Variants in CPT2 observed in about 807,000 individuals in gnomAD.
CPT2 encodes the protein carnitine O-palmitoyltransferase 2, mitochondrial.
A neutral mutation model predicts 48.6 loss-of-function variants in CPT2; 37 were observed. That is an observed-to-expected ratio of 0.76 (90% CI 0.59 to 1.00). The LOEUF (loss-of-function observed/expected upper bound fraction) is 1.00. Among genes scored for constraint, CPT2 ranks in the 50% least tolerant of loss-of-function variants. The pLI, the probability that CPT2 is intolerant of heterozygous loss-of-function variation, is 0.00. For synonymous variants in CPT2, 319 were observed against 326.9 expected, an observed-to-expected ratio of 0.98 and a Z score of 0.26; for missense variants, 772 against 825.6, an observed-to-expected ratio of 0.94 and a Z score of 0.80.
intron 2 of CPT2, 48 bp from the exon 3 acceptor site, chr1:53,202,275 A>C: frequency 2.7e-6 from 4 of 1,472,936 alleles, no homozygotes; most frequent in Non-Finnish European, 3.8e-6. Flanking sequence ...CCTAAAAATC[A>C]TGTATTCCCT....
Position 53,211,315 on chromosome 1 carries a change from A to T in CPT2, c.1641A>T (p.Ala547=), listed in dbSNP as rs1572386023. 1 of 1,602,382 alleles carries T rather than the reference A, an allele frequency of 6.2e-7. No homozygotes were observed. The change falls in exon 4 of 5, where the codon GCA becomes GCT. Residue 547 remains alanine (A), a synonymous_variant. Coordinates refer to ENST00000371486, the MANE Select transcript of CPT2 (RefSeq NM_000098.3). ...ATGGCCAGCTGACCAAAGAAGCAGC[A>T]ATGGGTGAGGCAGGGGTGGGGAGCA... is the stretch of plus-strand genomic sequence containing the variant. The part of the protein sequence containing the change: ...KYHGQLTKEA[A]MGQGFDRHLF...
intron 4 of CPT2, chr1:53,212,882 A>G (rs737464): frequency 0.5 from 233,730 of 462,884 alleles, 62,368 homozygotes; most frequent in East Asian, 0.72. Context: ...CACTGACTCA[A>G]TCTTCTCTTT....
intron 4 of CPT2, 73 bp from the exon 5 acceptor site, chr1:53,213,191 G>A: frequency 6.8e-7 from 1 of 1,467,594 alleles, no homozygotes. Context: ...TTCCTACCAT[G>A]TGGTGAGTTG....
Position 53,210,456 on chromosome 1 carries a change from G to A in CPT2, c.782G>A (p.Gly261Glu). The stretch of plus-strand genomic sequence containing the variant: ...ATCTTTGATGTCCTGGATCAAGATG[G>A]GAACATTGTGAGCCCCTCGGAAATC... ...FYIFDVLDQD[G>E]NIVSPSEIQA... The change falls in exon 4 of 5, where the codon GGG becomes GAG. Residue 261 changes from glycine to glutamate, a missense_variant. Coordinates refer to ENST00000371486, the MANE Select transcript of CPT2 (RefSeq NM_000098.3). The A allele has an allele frequency of 6.2e-7, 1 of 1,614,118 alleles. No individual in the cohort carries two copies. The highest frequency in any genetic ancestry group is 8.5e-7 in the Non-Finnish European group (1 of 1,180,044).
chr1:53,213,949 T>G lies in CPT2; in HGVS notation c.*354T>G, dbSNP rs1572387957. 3.4e-6 allele frequency: 1 copy of G among 294,520 alleles called. No individual in the cohort carries two copies. The highest frequency in any genetic ancestry group is 3.4e-5 in the South Asian group (1 of 29,424). The allele number at this position is 294,520 out of a possible 1,614,324, so 18.2% of individuals were successfully genotyped here. On this transcript the variant is annotated 3_prime_UTR_variant, in exon 5 of 5. Transcript: ENST00000371486. The stretch of plus-strand genomic sequence containing the variant: ...AAAAAAACAAAAAAGAAAAAAAAAC[T>G]GGGGCCTGTGTAGCCAGTGGGTGCT...
chr1:53,208,667 A>T (rs1041855842), intron 3 of CPT2: 2 of 152,270 alleles, frequency 1.3e-5, no homozygotes, highest in African/African-American at 2.4e-5. Context: ...CTGAAAGGAG[A>T]TGAAGCAAGA....
chr1:53,212,862 C>A, intron 4 of CPT2: 1 of 446,170 alleles, frequency 2.2e-6, no homozygotes, highest in East Asian at 3.3e-5. Context: ...ACAGACTTTC[C>A]ATTTTGTTCC....
intron 3 of CPT2, among the ~76,000 whole-genome samples, chr1:53,204,771 T>G (rs2100264847): frequency 6.6e-6 from 1 of 152,246 alleles, no homozygotes; most frequent in African/African-American, 2.4e-5. Flanking sequence ...TAGTTAGTGG[T>G]TTCTCACGAG....
chr1:53,197,873 C>CG (rs1207694398), intron 1 of CPT2, among the ~76,000 whole-genome samples: 1 of 152,080 alleles, frequency 6.6e-6, no homozygotes, highest in Non-Finnish European at 1.5e-5. Context: ...CATCCACACT[C>CG]CATCATACTC....
At chr1:53,207,760 C>A (rs1264108190) in intron 3 of CPT2, 3 of 152,200 alleles carry the variant, frequency 2.0e-5, no homozygotes, top group Non-Finnish European at 4.4e-5. Flanking sequence ...TGCACCCAGC[C>A]CCCAGTTTTA....
At position 53,202,439 on chromosome 1, in the gene CPT2, C is replaced by G. The variant is rs781682674; in HGVS notation, c.340+10C>G. The G allele has an allele frequency of 5.0e-6, 8 of 1,599,532 alleles. No homozygotes were observed. The highest frequency in any genetic ancestry group is 6.9e-6 in the Non-Finnish European group (8 of 1,166,776). ...ACAAGCTACATTTCGGGTAGGTAGGCTGGGCTGTGGGTATGATTTCTCCCA... is the reference window on the plus strand; with the variant it reads ...ACAAGCTACATTTCGGGTAGGTAGGGTGGGCTGTGGGTATGATTTCTCCCA... On this transcript the variant is annotated intron_variant, in intron 3 of 4. Transcript: ENST00000371486.
chr1:53,211,596 C>A, intron 4 of CPT2: 4 of 438,902 alleles, frequency 9.1e-6, no homozygotes, highest in Non-Finnish European at 1.6e-5. Context: ...ATTCTTTTTT[C>A]TTTCTTTTTT....
At chr1:53,206,234 A>G (rs1645388887) in intron 3 of CPT2, among the ~76,000 whole-genome samples, 1 of 151,864 alleles carries the variant, frequency 6.6e-6, no homozygotes, top group Non-Finnish European at 1.5e-5. Context: ...TTCAGAGGCT[A>G]TATGGAAACA....
At chr1:53,203,531 C>T (rs1418164227) in intron 3 of CPT2, 1 of 152,156 alleles carries the variant, frequency 6.6e-6, no homozygotes, top group Admixed American at 6.5e-5. Context: ...CAGACTCTTC[C>T]CAAGCTGTCT....
At chr1:53,205,675 G>A (rs931903225) in intron 3 of CPT2, among the ~76,000 whole-genome samples, 1 of 152,248 alleles carries the variant, frequency 6.6e-6, no homozygotes, top group Non-Finnish European at 1.5e-5. Context: ...TAGGCCCAGA[G>A]GCCTAAGAGG....
chr1:53,213,219 C>A (rs1645440872), intron 4 of CPT2, 45 bp from the exon 5 acceptor site: 1 of 1,604,658 alleles, frequency 6.2e-7, no homozygotes, highest in East Asian at 2.2e-5. Context: ...TTCCTGAGGT[C>A]CTTTTCCATC....
At chr1:53,201,406 G>A (rs908932137) in intron 2 of CPT2, 2 of 155,192 alleles carry the variant, frequency 1.3e-5, no homozygotes, top group African/African-American at 4.8e-5. Context: ...GCCAAGGCAT[G>A]CCAGGGATTG....
chr1:53,211,255 G>C lies in CPT2; in HGVS notation c.1581G>C (p.Glu527Asp). 9.9e-6 allele frequency: 16 copies of C among 1,612,500 alleles called. No homozygotes were observed. Among genetic ancestry groups the C allele is most frequent in the Non-Finnish European group, 1.4e-5 (16 of 1,179,286 alleles). Residue 527 changes from glutamate to aspartate, a missense_variant, in exon 4 of 5, where the codon GAG (glutamate) becomes GAC (aspartate). Coordinates refer to ENST00000371486, the MANE Select transcript of CPT2 (RefSeq NM_000098.3). Reference sequence around the variant, plus strand: ...AGCCCTCCAGGCACAGTGCTGGTGAGCTTCAGCAGATGATGGTTGAGTGCT... The same window carrying C: ...AGCCCTCCAGGCACAGTGCTGGTGACCTTCAGCAGATGATGGTTGAGTGCT... ...VREPSRHSAG[E>D]LQQMMVECSK...
intron 3 of CPT2, 153 bp from the exon 4 acceptor site, chr1:53,209,862 G>C (rs1645410178): frequency 6.0e-6 from 4 of 668,708 alleles, no homozygotes; most frequent in Non-Finnish European, 1.0e-5. Context: ...TGTATGTCTT[G>C]AATTATTGCA....
Sources: gnomAD v4.1 joint callset for allele counts (sites outside exome capture counted in the v4.1 genomes callset) on GRCh38, gnomAD v4.1.1 for gene constraint, MANE v1.5 for transcripts, NCBI Gene and HGNC (gene_info 2026-07-23, HGNC 2026-07-21) for gene names.